MALRD1: variants seen among roughly 807,000 people sequenced by gnomAD.
MALRD1 encodes MAM and LDL-receptor class A domain-containing protein 1.
A neutral mutation model predicts 242.1 loss-of-function variants in MALRD1; 247 were observed. The ratio of observed to expected loss-of-function variants is 1.02; its 90% CI spans 0.92 to 1.13. The LOEUF is 1.13. MALRD1 is among the 50% of genes most tolerant of loss of function. The pLI, the probability that MALRD1 is intolerant of heterozygous loss-of-function variation, is 0.00. For synonymous variants in MALRD1, 995 were observed against 866.6 expected (o/e 1.15, Z -2.60); for missense variants, 2,989 against 2,533.1 (o/e 1.18, Z -3.86).
At position 19,108,387 on chromosome 10, in the gene MALRD1, C is replaced by CTTTTTTTTTTTTTTT. The variant is rs35948766; in HGVS notation, c.694+4336_694+4350dup. Among the ~76,000 whole-genome samples, 4 of 19,764 alleles carry CTTTTTTTTTTTTTTT rather than the reference C, an allele frequency of 2.0e-4. 2 individuals carry two copies. Among genetic ancestry groups the CTTTTTTTTTTTTTTT allele is most frequent in the Non-Finnish European group, 3.2e-4 (4 of 12,506 alleles). The allele number at this position is 19,764 out of a possible 152,430, so 13.0% of individuals were successfully genotyped here. A position where few individuals can be genotyped will look rare whatever the true frequency, so the allele number is the denominator to read the frequency against. ...TTATTGAGCTCATGAATTGTTTTTT[C>CTTTTTTTTTTTTTTT]TTTTTTTTTTTTTTTTTTTTTTTTT... On this transcript the variant is annotated intron_variant, in intron 5 of 39. Coordinates refer to ENST00000454679, the MANE Select transcript of MALRD1 (RefSeq NM_001142308.3).
intron 29 of MALRD1, among the ~76,000 whole-genome samples, chr10:19,486,950 G>A (rs989426180): frequency 6.6e-6 from 1 of 152,000 alleles, no homozygotes. Context: ...TGTTCTTACT[G>A]GATTAAATTT....
At chr10:19,297,004 A>G in intron 21 of MALRD1, among the ~76,000 whole-genome samples, 1 of 151,430 alleles carries the variant, frequency 6.6e-6, no homozygotes. Context: ...AGTCTGTGAA[A>G]TTTCTATAAT....
intron 36 of MALRD1, among the ~76,000 whole-genome samples, chr10:19,636,347 A>G (rs1463944403): frequency 6.6e-6 from 1 of 152,200 alleles, no homozygotes; most frequent in Non-Finnish European, 1.5e-5. Context: ...TTCCTTGGTA[A>G]GTATTTAAGC....
At chr10:19,197,307 C>T (rs531879949) in intron 14 of MALRD1, among the ~76,000 whole-genome samples, 1 of 152,044 alleles carries the variant, frequency 6.6e-6, no homozygotes, top group East Asian at 1.9e-4. Flanking sequence ...ACCTTGACCT[C>T]GAATTCTCAT....
chr10:19,554,790 C>T (rs1835643596), intron 32 of MALRD1, among the ~76,000 whole-genome samples: 2 of 152,116 alleles, frequency 1.3e-5, no homozygotes, highest in East Asian at 1.9e-4. Context: ...ACCACATTTT[C>T]TTTATCCAGT....
At chr10:19,665,949 C>T (rs898335815) in intron 36 of MALRD1, among the ~76,000 whole-genome samples, 6 of 151,648 alleles carry the variant, frequency 4.0e-5, no homozygotes, top group East Asian at 1.9e-4. Flanking sequence ...ACAGTGCTTT[C>T]GCTGTGGCCC....
intron 31 of MALRD1, among the ~76,000 whole-genome samples, chr10:19,519,919 C>G (rs1267055058): frequency 2.6e-5 from 4 of 152,124 alleles, no homozygotes; most frequent in Non-Finnish European, 5.9e-5. Flanking sequence ...TATTGTTTAC[C>G]TCTTTTTAAA....
At chr10:19,498,970 A>G (rs180873041) in intron 31 of MALRD1, among the ~76,000 whole-genome samples, 23 of 152,328 alleles carry the variant, frequency 1.5e-4, no homozygotes, top group Non-Finnish European at 3.1e-4. Context: ...TGCAATATGC[A>G]AAGATATACA....
intron 38 of MALRD1, among the ~76,000 whole-genome samples, chr10:19,720,417 C>CA: frequency 6.6e-6 from 1 of 152,280 alleles, no homozygotes; most frequent in Non-Finnish European, 1.5e-5. Flanking sequence ...ACAGGATCCA[C>CA]AAAATAAATG....
At chr10:19,513,587 A>G (rs1226128280) in intron 31 of MALRD1, among the ~76,000 whole-genome samples, 1 of 151,950 alleles carries the variant, frequency 6.6e-6, no homozygotes. Context: ...AAAATACAAA[A>G]AATTAGCCAG....
intron 26 of MALRD1, among the ~76,000 whole-genome samples, chr10:19,369,337 A>T (rs1311220559): frequency 3.4e-5 from 5 of 146,440 alleles, no homozygotes; most frequent in East Asian, 2.0e-4. Flanking sequence ...TAAATATAAA[A>T]TATGTATATA....
In MALRD1 at chr10:19,360,226, A is replaced by G. The variant is rs551335751; in HGVS notation, c.4441+7929A>G. Among the ~76,000 whole-genome samples the G allele has an allele frequency of 1.0e-3, 152 of 152,228 alleles. 1 individual carries two copies. In the Middle Eastern group the frequency reaches 0.02, roughly 20 times the overall value. On this transcript the variant is annotated intron_variant, in intron 26 of 39. Transcript: ENST00000454679. ...CTCCATGGGGCATGATGGTGTATAT[A>G]TTCAGTCAGCACTTGGACTTGTGAA...
chr10:19,655,530 G>GTCTA (rs1250910390), intron 36 of MALRD1, among the ~76,000 whole-genome samples: 2 of 108,824 alleles, frequency 1.8e-5, no homozygotes, highest in Admixed American at 9.5e-5. Flanking sequence ...ATGTGTGAGT[G>GTCTA]TATATATATA....
intron 28 of MALRD1, among the ~76,000 whole-genome samples, chr10:19,391,554 A>T (rs1312147174): frequency 6.6e-6 from 1 of 152,120 alleles, no homozygotes; most frequent in African/African-American, 2.4e-5. Flanking sequence ...CAGTATACAC[A>T]TTCGCTCCCT....
intron 38 of MALRD1, among the ~76,000 whole-genome samples, chr10:19,702,663 A>G (rs1211853714): frequency 6.6e-6 from 1 of 152,210 alleles, no homozygotes; most frequent in Non-Finnish European, 1.5e-5. Context: ...TTACAAGTTA[A>G]ACTTCAAAAT....
intron 14 of MALRD1, among the ~76,000 whole-genome samples, chr10:19,194,559 G>T (rs1045565623): frequency 6.6e-6 from 1 of 151,960 alleles, no homozygotes; most frequent in East Asian, 1.9e-4. Flanking sequence ...TATACTTTCT[G>T]CTTGTGAACT....
At chr10:19,128,853 C>G (rs947014985) in intron 8 of MALRD1, among the ~76,000 whole-genome samples, 2 of 152,018 alleles carry the variant, frequency 1.3e-5, no homozygotes, top group Non-Finnish European at 2.9e-5. Flanking sequence ...TAGAGTGAGT[C>G]CATTCTTCTT....
chr10:19,423,604 A>C lies in MALRD1; in HGVS notation c.4846-26703A>C, dbSNP rs562812281. Reference sequence around the variant, plus strand: ...TGAGTGTCTATAGAAGAATGTAGGCACATGGAGAGGTTCCCGTGGCAGGTC... The same window carrying C: ...TGAGTGTCTATAGAAGAATGTAGGCCCATGGAGAGGTTCCCGTGGCAGGTC... On this transcript the variant is annotated intron_variant, in intron 28 of 39. Coordinates refer to ENST00000454679, the MANE Select transcript of MALRD1 (RefSeq NM_001142308.3). Among the ~76,000 whole-genome samples, 155 of 152,150 alleles carry C rather than the reference A, an allele frequency of 1.0e-3. 1 individual carries two copies. Among genetic ancestry groups the C allele is most frequent in the Non-Finnish European group, 2.0e-3 (139 of 68,028 alleles).
chr10:19,282,966 G>A (rs1230125708), intron 20 of MALRD1, 53 bp from the exon 21 acceptor site: 1 of 1,355,542 alleles, frequency 7.4e-7, no homozygotes, highest in South Asian at 1.6e-5. Context: ...AGATTGTACA[G>A]ATAGAAACTG....
Sources: gnomAD v4.1 joint callset for allele counts (sites outside exome capture counted in the v4.1 genomes callset) on GRCh38, gnomAD v4.1.1 for gene constraint, MANE v1.5 for transcripts, NCBI Gene and HGNC (gene_info 2026-07-23, HGNC 2026-07-21) for gene names.